Variants in GALNT7 observed in about 807,000 individuals in gnomAD.
GALNT7 encodes polypeptide N-acetylgalactosaminyltransferase 7.
GALNT7 carries 60 observed loss-of-function variants against 82.1 expected under a neutral mutation model. The ratio of observed to expected loss-of-function variants is 0.73; its 90% confidence interval spans 0.59 to 0.91. GALNT7 has a LOEUF of 0.91. GALNT7 is among the 40% of genes least tolerant of loss of function. GALNT7 has a pLI of 0.00. For synonymous variants in GALNT7, 243 were observed against 275.1 expected, an observed-to-expected ratio of 0.88 and a Z score of 1.15; for missense variants, 660 against 804.2, an observed-to-expected ratio of 0.82 and a Z score of 2.17.
chr4:173,236,391 T>A (rs1734230851), intron 1 of GALNT7, among the ~76,000 whole-genome samples: 1 of 152,228 alleles, frequency 6.6e-6, no homozygotes. Context: ...CTACTTTGCC[T>A]TCTGTAGTAT....
intron 1 of GALNT7, among the ~76,000 whole-genome samples, chr4:173,223,150 G>A (rs1733696220): frequency 6.6e-6 from 1 of 152,110 alleles, no homozygotes; most frequent in African/African-American, 2.4e-5. Flanking sequence ...TGCCTGATAA[G>A]TGAGTGCAAG....
chr4:173,216,594 GCTCT>G (rs1457497270), intron 1 of GALNT7, among the ~76,000 whole-genome samples: 8 of 150,872 alleles, frequency 5.3e-5, no homozygotes, highest in Non-Finnish European at 8.9e-5. Context: ...TCAGTATTTG[GCTCT>G]CTATTTGGCA....
intron 1 of GALNT7, among the ~76,000 whole-genome samples, chr4:173,183,823 C>G (rs1732364781): frequency 6.6e-6 from 1 of 151,688 alleles, no homozygotes; most frequent in Non-Finnish European, 1.5e-5. Flanking sequence ...CGGGCGGGGA[C>G]TGTCCCCCAC....
intron 2 of GALNT7, among the ~76,000 whole-genome samples, chr4:173,254,764 T>C (rs547134230): frequency 1.4e-3 from 213 of 152,352 alleles, no homozygotes; most frequent in African/African-American, 4.9e-3. Flanking sequence ...GACTACAGTT[T>C]GGCAATTTTA....
At chr4:173,281,152 G>A (rs1736095478) in intron 2 of GALNT7, among the ~76,000 whole-genome samples, 1 of 152,118 alleles carries the variant, frequency 6.6e-6, no homozygotes, top group Non-Finnish European at 1.5e-5. Flanking sequence ...TGAGGAACAT[G>A]TTTTAGATGG....
At chr4:173,282,611 C>G (rs1736154170) in intron 2 of GALNT7, 1 of 152,184 alleles carries the variant, frequency 6.6e-6, no homozygotes, top group Non-Finnish European at 1.5e-5. Flanking sequence ...GTGTGAGGAA[C>G]AGCAGCTAGG....
chr4:173,298,465 C>CA, intron 6 of GALNT7, 168 bp downstream of exon 6: 1 of 549,408 alleles, frequency 1.8e-6, no homozygotes, highest in East Asian at 3.1e-5. Context: ...CCATTTGCTC[C>CA]ATTGTAATTG....
At chr4:173,288,282 CAA>C (rs70944442) in intron 2 of GALNT7, among the ~76,000 whole-genome samples, 1,666 of 63,002 alleles carry the variant, frequency 0.026, 22 homozygotes, top group African/African-American at 0.058. Flanking sequence ...GACTCCATCT[CAA>C]AAAAAAAAAA....
At chr4:173,245,691 C>T (rs1734601811) in intron 1 of GALNT7, among the ~76,000 whole-genome samples, 2 of 152,168 alleles carry the variant, frequency 1.3e-5, no homozygotes, top group African/African-American at 4.8e-5. Flanking sequence ...ACAACACTAA[C>T]ATAAGTAAGT....
At chr4:173,235,713 G>A (rs1734202568) in intron 1 of GALNT7, among the ~76,000 whole-genome samples, 2 of 151,894 alleles carry the variant, frequency 1.3e-5, no homozygotes, top group Non-Finnish European at 2.9e-5. Flanking sequence ...CCACCACCAC[G>A]CCCAGCTAAT....
At chr4:173,204,300 T>G (rs1266351002) in intron 1 of GALNT7, among the ~76,000 whole-genome samples, 1 of 152,220 alleles carries the variant, frequency 6.6e-6, no homozygotes, top group Admixed American at 6.5e-5. Flanking sequence ...TTATAGTATG[T>G]CTTGGTGTAG....
intron 11 of GALNT7, among the ~76,000 whole-genome samples, chr4:173,319,328 T>C (rs1199235912): frequency 6.6e-6 from 1 of 152,188 alleles, no homozygotes; most frequent in Non-Finnish European, 1.5e-5. Flanking sequence ...TTTGTTATCA[T>C]ATCCCATCTG....
intron 1 of GALNT7, among the ~76,000 whole-genome samples, chr4:173,231,058 T>A (rs1426660053): frequency 6.6e-6 from 1 of 152,238 alleles, no homozygotes. Context: ...GTACCTCAGT[T>A]GGAACAGTCT....
intron 1 of GALNT7, among the ~76,000 whole-genome samples, chr4:173,183,057 C>G (rs1443153132): frequency 8.0e-6 from 1 of 125,758 alleles, no homozygotes; most frequent in Non-Finnish European, 1.6e-5. Flanking sequence ...CACACACACA[C>G]ACACACACAC....
At chr4:173,316,648 A>G (rs1044775159) in intron 9 of GALNT7, 2 of 152,196 alleles carry the variant, frequency 1.3e-5, no homozygotes, top group Non-Finnish European at 2.9e-5. Context: ...TGATTGAATA[A>G]ATACATGAAT....
At chr4:173,279,671 T>G (rs956359643) in intron 2 of GALNT7, among the ~76,000 whole-genome samples, 1 of 152,118 alleles carries the variant, frequency 6.6e-6, no homozygotes, top group Non-Finnish European at 1.5e-5. Context: ...GTCCTCAATT[T>G]ATTATAAAAT....
rs150473661 is a variant in GALNT7 at position 173,280,947 on chromosome 4, C to T, written c.588-11161C>T. ...CTTTAAGATCCTGCCTTCAGGTTGA[C>T]GGTGGCAAATGAAAGCTTGTAATTG... On this transcript the variant is annotated intron_variant, in intron 2 of 11. Coordinates refer to ENST00000265000, the MANE Select transcript of GALNT7 (RefSeq NM_017423.3). Among the ~76,000 whole-genome samples the T allele has an allele frequency of 1.8e-4, 27 of 152,282 alleles. No homozygotes were observed. The East Asian group carries it at 4.1e-3, about 23-fold the overall frequency.
intron 1 of GALNT7, among the ~76,000 whole-genome samples, chr4:173,187,113 A>C: frequency 6.6e-6 from 1 of 152,154 alleles, no homozygotes; most frequent in Non-Finnish European, 1.5e-5. Flanking sequence ...TCATTGTAGA[A>C]AATATTACAA....
intron 1 of GALNT7, among the ~76,000 whole-genome samples, chr4:173,190,221 G>A (rs1224143871): frequency 1.3e-5 from 2 of 152,126 alleles, no homozygotes; most frequent in South Asian, 2.1e-4. Flanking sequence ...TACGTGGTCT[G>A]AGATTTTACT....
Sources: gnomAD v4.1 joint callset for allele counts (sites outside exome capture counted in the v4.1 genomes callset) on GRCh38, gnomAD v4.1.1 for gene constraint, MANE v1.5 for transcripts, NCBI Gene and HGNC (gene_info 2026-07-23, HGNC 2026-07-21) for gene names.